The following FSTL5 variants were observed in gnomAD, a reference collection of about 807,000 sequenced individuals.
The protein encoded by FSTL5 is follistatin-related protein 5.
A neutral mutation model predicts 89.1 loss-of-function variants in FSTL5; 62 were observed. That is an observed-to-expected ratio of 0.70 (90% confidence interval 0.57 to 0.86). FSTL5 has a LOEUF of 0.86. FSTL5 is among the 40% of genes least tolerant of loss of function. FSTL5 has a pLI of 0.00. For synonymous variants in FSTL5, 383 were observed against 346.2 expected, an observed-to-expected ratio of 1.11 and a Z score of -1.18; for missense variants, 1,057 against 1,001.6, an observed-to-expected ratio of 1.06 and a Z score of -0.75.
At chr4:161,755,704 T>C (rs529409593) in intron 6 of FSTL5, among the ~76,000 whole-genome samples, 1 of 152,210 alleles carries the variant, frequency 6.6e-6, no homozygotes, top group South Asian at 2.1e-4. Context: ...TGTCTGAGAT[T>C]ATATATTCCT....
intron 10 of FSTL5, among the ~76,000 whole-genome samples, chr4:161,533,984 A>C (rs777779015): frequency 6.6e-6 from 1 of 152,108 alleles, no homozygotes; most frequent in Non-Finnish European, 1.5e-5. Context: ...CAAAGACCAT[A>C]TGATCTCCCA....
At position 161,384,892 on chromosome 4, in the gene FSTL5, A is replaced by G. The variant is rs1730560502; in HGVS notation, c.*855T>C. The G allele has an allele frequency of 6.6e-6, 1 of 152,198 alleles. No homozygotes were observed. Among genetic ancestry groups the G allele is most frequent in the African/African-American group, 2.4e-5 (1 of 41,466 alleles). The allele number at this position is 152,198 out of a possible 1,614,324, so 9.4% of individuals were successfully genotyped here. On this transcript the variant is annotated 3_prime_UTR_variant, in exon 16 of 16. Transcript: ENST00000306100. ...ATATGAAAAGAAACAATCTATTAAT[A>G]AATAATCTATTCTGCTAGTAATAAA...
intron 4 of FSTL5, among the ~76,000 whole-genome samples, chr4:161,857,986 A>T (rs2126887091): frequency 6.6e-6 from 1 of 152,272 alleles, no homozygotes; most frequent in South Asian, 2.1e-4. Flanking sequence ...CTACTGTTAA[A>T]ATCTGAATGT....
intron 4 of FSTL5, among the ~76,000 whole-genome samples, chr4:161,781,330 T>TA (rs34230798): frequency 6.6e-4 from 99 of 149,218 alleles, no homozygotes; most frequent in Non-Finnish European, 9.4e-4. Context: ...TGAACATAAT[T>TA]AAAAAAAAAA....
chr4:162,018,571 A>G (rs1305279141), intron 3 of FSTL5, among the ~76,000 whole-genome samples: 1 of 152,136 alleles, frequency 6.6e-6, no homozygotes, highest in African/African-American at 2.4e-5. Flanking sequence ...CATTGTTGGC[A>G]GTAAAGCCTA....
chr4:161,986,673 T>A (rs769981183), intron 3 of FSTL5, among the ~76,000 whole-genome samples: 1 of 152,240 alleles, frequency 6.6e-6, no homozygotes, highest in African/African-American at 2.4e-5. Context: ...TAGAATAGGA[T>A]AACTGAATGG....
chr4:161,627,388 T>C (rs1022488534), intron 7 of FSTL5, among the ~76,000 whole-genome samples: 1 of 152,190 alleles, frequency 6.6e-6, no homozygotes, highest in African/African-American at 2.4e-5. Context: ...ACATTTATAT[T>C]TTATACATAA....
chr4:161,427,638 T>G (rs1219054506), intron 15 of FSTL5, among the ~76,000 whole-genome samples: 1 of 152,190 alleles, frequency 6.6e-6, no homozygotes, highest in African/African-American at 2.4e-5. Context: ...CAAAAAGGTG[T>G]GTCCCTAAAT....
chr4:161,892,290 A>G (rs1383023878), intron 4 of FSTL5, among the ~76,000 whole-genome samples: 1 of 152,008 alleles, frequency 6.6e-6, no homozygotes, highest in Non-Finnish European at 1.5e-5. Context: ...AGTCCCATAT[A>G]ATCTAAATGC....
intron 1 of FSTL5, among the ~76,000 whole-genome samples, chr4:162,147,510 T>A (rs1354810801): frequency 1.3e-5 from 2 of 152,174 alleles, no homozygotes. Flanking sequence ...TTATTTGTAG[T>A]ACAGAATTAT....
intron 2 of FSTL5, among the ~76,000 whole-genome samples, chr4:162,092,784 AC>A (rs1730595917): frequency 6.6e-6 from 1 of 151,626 alleles, no homozygotes; most frequent in Admixed American, 6.6e-5. Flanking sequence ...CCCCATCTCT[AC>A]TAAAAATGCA....
At chr4:161,982,862 T>A (rs2111053358) in intron 3 of FSTL5, among the ~76,000 whole-genome samples, 1 of 152,324 alleles carries the variant, frequency 6.6e-6, no homozygotes, top group East Asian at 1.9e-4. Context: ...TGATAATGCC[T>A]ACAATGTCTT....
intron 3 of FSTL5, among the ~76,000 whole-genome samples, chr4:162,023,096 A>G (rs1217023535): frequency 6.6e-6 from 1 of 152,156 alleles, no homozygotes; most frequent in Non-Finnish European, 1.5e-5. Flanking sequence ...TTTTTAAAAG[A>G]GACCTCTCAT....
At chr4:161,676,044 T>C (rs187768735) in intron 6 of FSTL5, among the ~76,000 whole-genome samples, 52 of 152,284 alleles carry the variant, frequency 3.4e-4, no homozygotes, top group Admixed American at 1.2e-3. Flanking sequence ...TTGAATTCTG[T>C]CACTTGCTAG....
intron 6 of FSTL5, among the ~76,000 whole-genome samples, chr4:161,662,308 G>C (rs1465181909): frequency 1.3e-5 from 2 of 152,044 alleles, no homozygotes; most frequent in African/African-American, 4.8e-5. Context: ...CACCAAAAGA[G>C]AAGACAGCAT....
intron 4 of FSTL5, among the ~76,000 whole-genome samples, chr4:161,894,026 T>C (rs112238780): frequency 6.6e-6 from 1 of 152,210 alleles, no homozygotes; most frequent in African/African-American, 2.4e-5. Flanking sequence ...TTATCCAATT[T>C]ATATAGGTTG....
intron 8 of FSTL5, among the ~76,000 whole-genome samples, chr4:161,551,270 G>T (rs1732202903): frequency 6.7e-6 from 1 of 149,514 alleles, no homozygotes; most frequent in African/African-American, 2.5e-5. Flanking sequence ...TTTAATGATT[G>T]CCATTCTAAC....
chr4:162,066,499 T>C (rs1277659844), intron 2 of FSTL5, among the ~76,000 whole-genome samples: 1 of 150,980 alleles, frequency 6.6e-6, no homozygotes, highest in Non-Finnish European at 1.5e-5. Flanking sequence ...TGTGCCATGG[T>C]GGTTTGCTGC....
intron 4 of FSTL5, among the ~76,000 whole-genome samples, chr4:161,802,902 A>G (rs1325146589): frequency 6.6e-6 from 1 of 151,870 alleles, no homozygotes; most frequent in Non-Finnish European, 1.5e-5. Context: ...CAAAACAGCA[A>G]TCTACTGTTT....
Sources: gnomAD v4.1 joint callset for allele counts (sites outside exome capture counted in the v4.1 genomes callset) on GRCh38, gnomAD v4.1.1 for gene constraint, MANE v1.5 for transcripts, NCBI Gene and HGNC (gene_info 2026-07-23, HGNC 2026-07-21) for gene names.